Variants in KCND3 observed in about 807,000 individuals in gnomAD.
The protein encoded by KCND3 is potassium voltage-gated channel subfamily D member 3.
Under a neutral mutation model 51.1 loss-of-function variants are expected in KCND3, and 9 were observed. The ratio of observed to expected loss-of-function variants is 0.18; its 90% CI spans 0.11 to 0.31. KCND3 has a LOEUF of 0.31. Ranked by LOEUF, KCND3 falls within the 10% of genes least tolerant of loss-of-function variation. The pLI is 1.00. For synonymous variants in KCND3, 349 were observed against 368.0 expected (o/e 0.95, Z 0.59); for missense variants, 526 against 903.8 (o/e 0.58, Z 5.36).
At chr1:111,904,095 GTT>G (rs11327926) in intron 2 of KCND3, among the ~76,000 whole-genome samples, 64 of 128,086 alleles carry the variant, frequency 5.0e-4, no homozygotes, top group South Asian at 1.7e-3. Flanking sequence ...TTGGTTTTTT[GTT>G]TTTTTTTTTT....
chr1:111,946,943 T>C (rs1480638152), intron 2 of KCND3, among the ~76,000 whole-genome samples: 1 of 152,240 alleles, frequency 6.6e-6, no homozygotes, highest in Non-Finnish European at 1.5e-5. Flanking sequence ...TTTTTTGCTC[T>C]CTTTTGGTTC....
intron 2 of KCND3, among the ~76,000 whole-genome samples, chr1:111,821,867 T>C (rs1471438): frequency 0.52 from 78,763 of 151,940 alleles, 23,016 homozygotes; most frequent in Non-Finnish European, 0.65. Context: ...TCTGAGGGTG[T>C]GTGTGTGTGC....
chr1:111,780,574 G>T lies in KCND3; in HGVS notation c.1371+116C>A. 4.2e-6 allele frequency: 4 copies of T among 963,496 alleles called. No homozygotes were observed. Among genetic ancestry groups the T allele is most frequent in the Non-Finnish European group, 6.5e-6 (4 of 615,338 alleles). 59.7% of individuals were successfully genotyped at this position (963,496 alleles called of 1,614,324 possible). A position where few individuals can be genotyped will look rare whatever the true frequency, so the allele number is the denominator to read the frequency against. ...TGCTACCTGGGGAAAGTTTGGAAAC[G>T]TGTCCTCCTTGGGGTTCATACTGGG... On this transcript the variant is annotated intron_variant, in intron 4 of 7. Coordinates refer to ENST00000302127, the MANE Select transcript of KCND3 (RefSeq NM_001378969.1). This position sits in a 1 kb window ranked among gnomAD's most constrained non-coding sequence, Gnocchi z 4.2.
At position 111,776,179 on chromosome 1, in the gene KCND3, C is replaced by T. The variant is rs766650482; in HGVS notation, c.1866G>A (p.Ala622=). 1.1e-5 allele frequency: 17 copies of T among 1,613,996 alleles called. No individual in the cohort carries two copies. The highest frequency in any genetic ancestry group is 3.3e-5 in the South Asian group (3 of 91,080). Residue 622 remains alanine, a synonymous_variant, in exon 8 of 8, where the codon GCG becomes GCA. Transcript: ENST00000302127. The stretch of plus-strand genomic sequence containing the variant: ...GCCGACTTTCCCCCTCTGGGGTTAG[C>T]GCTGGGGGAGTGGGGATGCTGATGA... ...TAIISIPTPP[A]LTPEGESRPP... is the part of the protein sequence containing the mutation.
intron 2 of KCND3, among the ~76,000 whole-genome samples, chr1:111,968,417 G>C (rs1674129833): frequency 6.6e-6 from 1 of 152,138 alleles, no homozygotes; most frequent in South Asian, 2.1e-4. Context: ...CATCTATCTT[G>C]TGCAAAAATG....
chr1:111,824,720 A>G (rs1349225595), intron 2 of KCND3, among the ~76,000 whole-genome samples: 3 of 152,250 alleles, frequency 2.0e-5, no homozygotes, highest in East Asian at 1.9e-4. Flanking sequence ...GAAACTCACC[A>G]GATCACTGCA....
In KCND3 at chr1:111,981,488, A is replaced by T. The variant is rs921329690; in HGVS notation, c.1106+133T>A. ...TGGGCTTTACCCTTCGGATAGAGCA[A>T]CTTCCCCTGCCCCCAACACTTGGGT... On this transcript the variant is annotated intron_variant, in intron 2 of 7. Coordinates refer to ENST00000302127, the MANE Select transcript of KCND3 (RefSeq NM_001378969.1). This position sits in a 1 kb window ranked among gnomAD's most constrained non-coding sequence, Gnocchi z 6.2. 31 of 1,337,078 alleles carry T rather than the reference A, an allele frequency of 2.3e-5. No homozygotes were observed. The highest frequency in any genetic ancestry group is 3.2e-5 in the Non-Finnish European group (30 of 943,906). The allele number at this position is 1,337,078 out of a possible 1,614,324, so 82.8% of individuals were successfully genotyped here.
intron 2 of KCND3, among the ~76,000 whole-genome samples, chr1:111,789,283 G>A (rs900547654): frequency 6.6e-6 from 1 of 152,266 alleles, no homozygotes; most frequent in African/African-American, 2.4e-5. Flanking sequence ...AGATGACAGT[G>A]AGAAAGCCGA....
intron 2 of KCND3, among the ~76,000 whole-genome samples, chr1:111,929,533 C>T (rs1398717832): frequency 1.3e-5 from 2 of 152,208 alleles, no homozygotes; most frequent in African/African-American, 2.4e-5. Flanking sequence ...CGAAACTGTT[C>T]CTTTTTTAAG....
At chr1:111,858,804 T>G (rs1037513820) in intron 2 of KCND3, among the ~76,000 whole-genome samples, 1 of 152,178 alleles carries the variant, frequency 6.6e-6, no homozygotes, top group Non-Finnish European at 1.5e-5. Flanking sequence ...CAATGCCTAC[T>G]CTTTTCCCTT....
At chr1:111,871,913 A>G (rs943276001) in intron 2 of KCND3, among the ~76,000 whole-genome samples, 9 of 152,176 alleles carry the variant, frequency 5.9e-5, no homozygotes, top group African/African-American at 2.2e-4. Context: ...CTGAGCATCA[A>G]ATGCTGCAGG....
intron 2 of KCND3, among the ~76,000 whole-genome samples, chr1:111,930,337 A>G (rs1671906604): frequency 6.6e-6 from 1 of 152,234 alleles, no homozygotes; most frequent in Admixed American, 6.5e-5. Flanking sequence ...CAGCACACCC[A>G]AAGGCAGAGG....
intron 2 of KCND3, among the ~76,000 whole-genome samples, chr1:111,942,885 C>T (rs903833901): frequency 4.6e-5 from 7 of 152,204 alleles, no homozygotes; most frequent in African/African-American, 1.7e-4. Flanking sequence ...AGAACTTGGA[C>T]TTCCCGGCCT....
Position 111,775,963 on chromosome 1 carries a change from G to T in KCND3, c.*114C>A. On this transcript the variant is annotated 3_prime_UTR_variant, in exon 8 of 8. Transcript: ENST00000302127. ...CAAGTCTCAGTGCTAGGGGTACAAT[G>T]GGGCAGGCAGAAATAGTGGGGAAAG... is the stretch of plus-strand genomic sequence containing the variant. 8.4e-7 allele frequency: 1 copy of T among 1,188,794 alleles called. No individual in the cohort carries two copies. 73.6% of individuals were successfully genotyped at this position (1,188,794 alleles called of 1,614,324 possible).
At chr1:111,843,084 T>C (rs1205649548) in intron 2 of KCND3, among the ~76,000 whole-genome samples, 1 of 152,256 alleles carries the variant, frequency 6.6e-6, no homozygotes, top group African/African-American at 2.4e-5. Flanking sequence ...GCTTTCATTG[T>C]CTTTCTCCCT....
At chr1:111,945,343 G>A (rs1672727471) in intron 2 of KCND3, among the ~76,000 whole-genome samples, 1 of 152,198 alleles carries the variant, frequency 6.6e-6, no homozygotes, top group Non-Finnish European at 1.5e-5. Flanking sequence ...TAGAAGTTTG[G>A]AATGCATGGT....
intron 1 of KCND3, among the ~76,000 whole-genome samples, chr1:111,984,959 T>C (rs1296237662): frequency 3.9e-5 from 6 of 152,218 alleles, no homozygotes; most frequent in Admixed American, 3.3e-4. Context: ...ACCCCGCAGC[T>C]AGGATTACAC....
chr1:111,845,702 TTA>T (rs2101651496), intron 2 of KCND3, among the ~76,000 whole-genome samples: 1 of 152,350 alleles, frequency 6.6e-6, no homozygotes, highest in Non-Finnish European at 1.5e-5. Flanking sequence ...GCTTCTATTA[TTA>T]TATCTTATTC....
At chr1:111,858,446 G>A (rs141091267) in intron 2 of KCND3, among the ~76,000 whole-genome samples, 3 of 152,076 alleles carry the variant, frequency 2.0e-5, no homozygotes, top group Non-Finnish European at 2.9e-5. Flanking sequence ...TGGATCCTTT[G>A]CTTTCATGGT....
Sources: allele counts gnomAD v4.1 joint callset (sites outside exome capture counted in the v4.1 genomes callset), GRCh38; gene constraint gnomAD v4.1.1; non-coding constraint Gnocchi (gnomAD v3.1); transcripts MANE v1.5; gene names NCBI Gene and HGNC (gene_info 2026-07-23, HGNC 2026-07-21).